Variants in FST observed in about 807,000 individuals in gnomAD.
The protein encoded by FST is follistatin.
A neutral mutation model predicts 38.4 loss-of-function variants in FST; 6 were observed. The ratio of observed to expected loss-of-function variants is 0.16; its 90% CI spans 0.09 to 0.31. The LOEUF is 0.31. Ranked by LOEUF, FST falls within the 10% of genes least tolerant of loss-of-function variation. The pLI is 1.00. For missense variants in FST, 301 were observed against 432.3 expected (o/e 0.70, Z 2.69); for synonymous variants, 157 against 169.8 (o/e 0.92, Z 0.59).
intron 5 of FST, 162 bp from the exon 6 acceptor site, chr5:53,485,789 C>T: frequency 6.3e-7 from 1 of 1,593,900 alleles, no homozygotes; most frequent in Non-Finnish European, 8.5e-7. Flanking sequence ...TATTGCATAA[C>T]AGCAGATGCC....
In FST at chr5:53,485,189, G is replaced by A; in HGVS notation, c.914G>A (p.Gly305Asp). 1 of 1,611,256 alleles carries A rather than the reference G, an allele frequency of 6.2e-7. No individual in the cohort carries two copies. The highest frequency in any genetic ancestry group is 8.5e-7 in the Non-Finnish European group (1 of 1,177,440). Residue 305 changes from glycine to aspartate, a missense_variant, in exon 5 of 6, where the codon GGT (glycine) becomes GAT (aspartate). By Grantham distance (94) the Gly-to-Asp change is moderately conservative. Coordinates refer to ENST00000256759, the MANE Select transcript of FST (RefSeq NM_013409.3). The stretch of plus-strand genomic sequence containing the variant: ...ATGAAGGAAGCTGCCTGCTCCTCAG[G>A]TGTGCTACTGGAAGTAAAGCACTCC... ...CAMKEAACSS[G>D]VLLEVKHSGS...
At chr5:53,482,227 T>C (rs1747264914) in intron 1 of FST, among the ~76,000 whole-genome samples, 1 of 152,130 alleles carries the variant, frequency 6.6e-6, no homozygotes, top group South Asian at 2.1e-4. Context: ...TCTCTCTCTC[T>C]CTCTTTCTTT....
chr5:53,483,700 C>G lies in FST; in HGVS notation c.474C>G (p.Val158=), dbSNP rs751784564. 1.2e-6 allele frequency: 2 copies of G among 1,613,612 alleles called. No individual in the cohort carries two copies. The highest frequency in any genetic ancestry group is 2.2e-5 in the South Asian group (2 of 91,064). ...GTAAAGAGCAGCCAGAACTGGAAGT[C>G]CAGTACCAAGGCAGATGTAAAAGTA... The part of the protein sequence containing the change: ...ARCKEQPELE[V]QYQGRCKKTC... Residue 158 remains valine (V), a synonymous_variant, in exon 3 of 6, where the codon GTC becomes GTG. Coordinates refer to ENST00000256759, the MANE Select transcript of FST (RefSeq NM_013409.3). The surrounding 1 kb of genome is among the most constrained non-coding windows in gnomAD (Gnocchi z 4.1).
In FST at chr5:53,486,064, C is replaced by T. The variant is rs1253439761; in HGVS notation, c.*31C>T. ...CTATAAGTGTTCAGTGTTGACATAGCCTTTGTGCAAAAAAAAAAAAAAAAA... is the reference window on the plus strand; with the variant it reads ...CTATAAGTGTTCAGTGTTGACATAGTCTTTGTGCAAAAAAAAAAAAAAAAA... On this transcript the variant is annotated 3_prime_UTR_variant, in exon 6 of 6. Transcript: ENST00000256759. 1.6e-6 allele frequency: 1 copy of T among 631,070 alleles called. No homozygotes were observed. The highest frequency in any genetic ancestry group is 2.6e-6 in the Non-Finnish European group (1 of 389,630). The allele number at this position is 631,070 out of a possible 1,614,324, so 39.1% of individuals were successfully genotyped here. A position where few individuals can be genotyped will look rare whatever the true frequency, so the allele number is the denominator to read the frequency against.
rs577088552 is a variant in FST at position 53,484,978 on chromosome 5, C to A, written c.722-19C>A. On this transcript the variant is annotated intron_variant, in intron 4 of 5. Transcript: ENST00000256759. ...TATGGGGAAATCAGTTTACTCATCA[C>A]AGATGTATTATATCCTAGAAGCAAA... 3.3e-6 allele frequency: 4 copies of A among 1,223,132 alleles called. No individual in the cohort carries two copies. Among genetic ancestry groups the A allele is most frequent in the Non-Finnish European group, 3.6e-6 (3 of 822,390 alleles). The allele number at this position is 1,223,132 out of a possible 1,614,324, so 75.8% of individuals were successfully genotyped here. A position where few individuals can be genotyped will look rare whatever the true frequency, so the allele number is the denominator to read the frequency against.
In FST at chr5:53,486,080, AAAAAAAAAAAAAAG is replaced by A; in HGVS notation, c.*53_*66del. ...TTGACATAGCCTTTGTGCAAAAAAA[AAAAAAAAAAAAAAG>A]AAAAAGAAAAAAAGAAAAATATATT... On this transcript the variant is annotated 3_prime_UTR_variant, in exon 6 of 6. Coordinates refer to ENST00000256759, the MANE Select transcript of FST (RefSeq NM_013409.3). The A allele has an allele frequency of 2.3e-6, 2 of 875,146 alleles. No individual in the cohort carries two copies. The highest frequency in any genetic ancestry group is 1.8e-5 in the South Asian group (1 of 56,822). The allele number at this position is 875,146 out of a possible 1,614,324, so 54.2% of individuals were successfully genotyped here.
In FST at chr5:53,484,979, A is replaced by G. The variant is rs1747459919; in HGVS notation, c.722-18A>G. ...ATGGGGAAATCAGTTTACTCATCACAGATGTATTATATCCTAGAAGCAAAG... is the reference window on the plus strand; with the variant it reads ...ATGGGGAAATCAGTTTACTCATCACGGATGTATTATATCCTAGAAGCAAAG... On this transcript the variant is annotated intron_variant, in intron 4 of 5. Transcript: ENST00000256759. The G allele has an allele frequency of 8.1e-7, 1 of 1,227,624 alleles. No individual in the cohort carries two copies. The highest frequency in any genetic ancestry group is 1.2e-6 in the Non-Finnish European group (1 of 826,512). The allele number at this position is 1,227,624 out of a possible 1,614,324, so 76.0% of individuals were successfully genotyped here. A position where few individuals can be genotyped will look rare whatever the true frequency, so the allele number is the denominator to read the frequency against.
rs1305346019 is a variant in FST at position 53,486,893 on chromosome 5, T to G, written c.*860T>G. ...AGCTGTACCTTTTAAATTAGTTCTT[T>G]TTCAACCAGTATATCACTAAAAGTT... On this transcript the variant is annotated 3_prime_UTR_variant, in exon 6 of 6. Coordinates refer to ENST00000256759, the MANE Select transcript of FST (RefSeq NM_013409.3). The G allele has an allele frequency of 2.0e-5, 3 of 152,232 alleles. No homozygotes were observed. Among genetic ancestry groups the G allele is most frequent in the Non-Finnish European group, 4.4e-5 (3 of 68,036 alleles). 9.4% of individuals were successfully genotyped at this position (152,232 alleles called of 1,614,324 possible).
rs752295156 is a variant in FST at position 53,483,906 on chromosome 5, G to A, written c.497-163G>A. Among the ~76,000 whole-genome samples the A allele has an allele frequency of 7.9e-5, 12 of 152,150 alleles. No homozygotes were observed. The highest frequency in any genetic ancestry group is 9.7e-5 in the African/African-American group (4 of 41,434). On this transcript the variant is annotated intron_variant, in intron 3 of 5. Transcript: ENST00000256759. This position sits in a 1 kb window ranked among gnomAD's most constrained non-coding sequence, Gnocchi z 4.1. ...CTAGAGATTCATTAAGAACACTGAG[G>A]GGACCAACCTAGTCATAGATTCTCT...
rs993898087 is a variant in FST at position 53,483,849 on chromosome 5, T to C, written c.496+127T>C. On this transcript the variant is annotated intron_variant, in intron 3 of 5. Coordinates refer to ENST00000256759, the MANE Select transcript of FST (RefSeq NM_013409.3). This position sits in a 1 kb window ranked among gnomAD's most constrained non-coding sequence, Gnocchi z 4.1. ...AGTAAGAGCCTGATAATAGTAATAC[T>C]GAAACCAAATAAAGGAGTCCTTTTC... 39 of 728,208 alleles carry C rather than the reference T, an allele frequency of 5.4e-5. No homozygotes were observed. The Middle Eastern group carries it at 2.8e-3, about 53-fold the overall frequency. The allele number at this position is 728,208 out of a possible 1,614,324, so 45.1% of individuals were successfully genotyped here.
chr5:53,483,499 C>T lies in FST; in HGVS notation c.278-5C>T. ...TTTTAATCCATGCCTGTTTCTAACT[C>T]ACAGAAACGTGTGAGAACGTGGACT... On this transcript the variant is annotated splice_polypyrimidine_tract_variant and splice_region_variant and intron_variant, in intron 2 of 5. Transcript: ENST00000256759. The surrounding 1 kb of genome is among the most constrained non-coding windows in gnomAD (Gnocchi z 4.1). 6.2e-7 allele frequency: 1 copy of T among 1,610,468 alleles called. No individual in the cohort carries two copies. Among genetic ancestry groups the T allele is most frequent in the Non-Finnish European group, 8.5e-7 (1 of 1,176,868 alleles).
intron 4 of FST, among the ~76,000 whole-genome samples, chr5:53,484,780 G>A (rs1747446803): frequency 6.6e-6 from 1 of 152,060 alleles, no homozygotes. Context: ...AACTGCAGGG[G>A]TTTTGTGCGT....
chr5:53,485,629 A>G, intron 5 of FST: 2 of 1,080,882 alleles, frequency 1.9e-6, no homozygotes, highest in Non-Finnish European at 1.4e-6. Context: ...CTAACTCTGA[A>G]TTAAGGACCC....
Position 53,484,080 on chromosome 5 carries a change from G to C in FST, c.508G>C (p.Asp170His), listed in dbSNP as rs978325534. The change falls in exon 4 of 6, where the codon GAT becomes CAT. Residue 170 changes from aspartate to histidine, a missense_variant. Physicochemically the swap from Asp to His is moderately conservative, Grantham distance 81. Transcript: ENST00000256759. ...YQGRCKKTCR[D>H]VFCPGSSTCV... ...CTTCTTTGTTCCAGAGACTTGTCGG[G>C]ATGTTTTCTGTCCAGGCAGCTCCAC... 3 of 1,613,006 alleles carry C rather than the reference G, an allele frequency of 1.9e-6. No individual in the cohort carries two copies. The highest frequency in any genetic ancestry group is 2.5e-6 in the Non-Finnish European group (3 of 1,179,104).
At chr5:53,482,282 T>G (rs979714928) in intron 1 of FST, among the ~76,000 whole-genome samples, 1 of 151,946 alleles carries the variant, frequency 6.6e-6, no homozygotes, top group Admixed American at 6.5e-5. Context: ...TTTCTTTCTT[T>G]CTCTTTCTTT....
Position 53,480,798 on chromosome 5 carries a change from C to G in FST, c.7C>G (p.Arg3Gly). Reference protein sequence around the residue: MVRARHQPGGLCL... With the variant: MVGARHQPGGLCL... ...CCCCGCGCCTGCCCCCAGGATGGTC[C>G]GCGCGAGGCACCAGCCGGGTGGGCT... is the stretch of plus-strand genomic sequence containing the variant. The change falls in exon 1 of 6, where the codon CGC (arginine) becomes GGC (glycine). Residue 3 changes from arginine (R) to glycine (G), a missense_variant. Physicochemically the swap from Arg to Gly is moderately radical, Grantham distance 125 (BLOSUM62 -2). Coordinates refer to ENST00000256759, the MANE Select transcript of FST (RefSeq NM_013409.3). The G allele has an allele frequency of 2.7e-6, 4 of 1,501,614 alleles. No homozygotes were observed. Among genetic ancestry groups the G allele is most frequent in the Non-Finnish European group, 2.7e-6 (3 of 1,120,476 alleles). 93.0% of individuals were successfully genotyped at this position (1,501,614 alleles called of 1,614,324 possible).
chr5:53,485,026 A>T lies in FST; in HGVS notation c.751A>T (p.Thr251Ser). Residue 251 changes from threonine to serine, a missense_variant, in exon 5 of 6, where the codon ACT becomes TCT. Coordinates refer to ENST00000256759, the MANE Select transcript of FST (RefSeq NM_013409.3). Reference protein sequence around the residue: ...KAKSCEDIQCTGGKKCLWDFK... With the variant: ...KAKSCEDIQCSGGKKCLWDFK... ...AAAGTCCTGTGAAGATATCCAGTGC[A>T]CTGGTGGGAAAAAATGTTTATGGGA... is the stretch of plus-strand genomic sequence containing the variant. 5 of 1,605,278 alleles carry T rather than the reference A, an allele frequency of 3.1e-6. No individual in the cohort carries two copies. Among genetic ancestry groups the T allele is most frequent in the Non-Finnish European group, 4.3e-6 (5 of 1,171,902 alleles).
chr5:53,480,922 G>C (rs1288801000), intron 1 of FST, 46 bp downstream of exon 1: 2 of 1,124,224 alleles, frequency 1.8e-6, no homozygotes, highest in African/African-American at 3.1e-5. Flanking sequence ...GAGGACAGGG[G>C]GGTCGACTTT....
chr5:53,481,478 A>AAAAAAAAAAC (rs1747205861), intron 1 of FST, among the ~76,000 whole-genome samples: 2 of 150,278 alleles, frequency 1.3e-5, no homozygotes, highest in African/African-American at 2.4e-5. Context: ...AAAAAAAAAA[A>AAAAAAAAAAC]AAAAAAAAGC....
Sources: gnomAD v4.1 joint callset for allele counts (sites outside exome capture counted in the v4.1 genomes callset) on GRCh38, gnomAD v4.1.1 for gene constraint, Gnocchi (gnomAD v3.1) non-coding constraint, MANE v1.5 for transcripts, NCBI Gene and HGNC (gene_info 2026-07-23, HGNC 2026-07-21) for gene names.